RABGAP1L: variants seen among roughly 807,000 people sequenced by gnomAD.
RABGAP1L encodes the protein RAB GTPase activating protein 1 like.
RABGAP1L carries 63 observed loss-of-function variants against 137.7 expected under a neutral mutation model. The ratio of observed to expected loss-of-function variants is 0.46; its 90% confidence interval spans 0.37 to 0.56. The LOEUF (loss-of-function observed/expected upper bound fraction) is 0.56. Among genes scored for constraint, RABGAP1L ranks in the 20% least tolerant of loss-of-function variants. The pLI is 0.00. For missense variants in RABGAP1L, 1,095 were observed against 1,244.0 expected (o/e 0.88, Z 1.80); for synonymous variants, 431 against 433.7 (o/e 0.99, Z 0.08).
chr1:174,811,971 G>T lies in RABGAP1L; in HGVS notation c.2340+11G>T, dbSNP rs763029593. ...GCTTGCAATATTAAAGTAAGAACAT[G>T]AGTTTTTATATAATAAAGGTAAAAT... On this transcript the variant is annotated intron_variant, in intron 19 of 25. Transcript: ENST00000681986. The T allele has an allele frequency of 6.3e-7, 1 of 1,576,400 alleles. No individual in the cohort carries two copies. Among genetic ancestry groups the T allele is most frequent in the Non-Finnish European group, 8.6e-7 (1 of 1,165,192 alleles).
intron 1 of RABGAP1L, among the ~76,000 whole-genome samples, chr1:174,207,683 A>T (rs2148418371): frequency 6.6e-6 from 1 of 151,784 alleles, no homozygotes; most frequent in East Asian, 1.9e-4. Flanking sequence ...TGTCCTGGGG[A>T]TGTGTTGGCT....
intron 19 of RABGAP1L, among the ~76,000 whole-genome samples, chr1:174,854,737 TTTTTTTTTTTTTTTTTTTTTTTTG>T: frequency 1.4e-5 from 1 of 71,518 alleles, no homozygotes. Flanking sequence ...TTTTTTTTTT[TTTTTTTTTTTTTTTTTTTTTTTTG>T]AGACGTTGTC....
At chr1:174,629,744 G>A (rs1292268739) in intron 13 of RABGAP1L, among the ~76,000 whole-genome samples, 2 of 152,158 alleles carry the variant, frequency 1.3e-5, no homozygotes, top group South Asian at 2.1e-4. Context: ...GGCTGGTCTC[G>A]AAGTCCTGAG....
intron 5 of RABGAP1L, chr1:174,246,368 G>A (rs548530391): frequency 1.3e-5 from 2 of 152,268 alleles, no homozygotes; most frequent in South Asian, 2.1e-4. Flanking sequence ...GACTATTTGT[G>A]TGTATGTGTT....
rs1397794071 is a variant in RABGAP1L, at chr1:174,632,253, C to T, written c.1711-5122C>T. ...CTCTTCTGGCTTGTAGGGTTTCTGC[C>T]GAGAGATCCGCTGTTAGTCTGATGG... On this transcript the variant is annotated intron_variant, in intron 13 of 25. Coordinates refer to ENST00000681986, the MANE Select transcript of RABGAP1L (RefSeq NM_001366446.1). Among the ~76,000 whole-genome samples the T allele has an allele frequency of 1.2e-4, 18 of 144,886 alleles. No individual in the cohort carries two copies. The East Asian group carries it at 2.8e-3, about 22-fold the overall frequency.
chr1:174,729,427 T>C (rs1338209188), intron 17 of RABGAP1L, among the ~76,000 whole-genome samples: 2 of 152,190 alleles, frequency 1.3e-5, no homozygotes, highest in African/African-American at 4.8e-5. Flanking sequence ...GGAAAGAATT[T>C]ATGACTAAGT....
At chr1:174,658,274 A>T (rs1333241734) in intron 14 of RABGAP1L, among the ~76,000 whole-genome samples, 1 of 152,052 alleles carries the variant, frequency 6.6e-6, no homozygotes, top group Non-Finnish European at 1.5e-5. Context: ...ATTGTGGAGG[A>T]GCTAATTTTT....
At position 174,410,866 on chromosome 1, in the gene RABGAP1L, C is replaced by T. The variant is rs565723298; in HGVS notation, c.1710+16721C>T. Reference sequence around the variant, plus strand: ...CTTTAATGAAATTGATTCTTCCAATCCATGATCGTGGAATTTTTTAAAAAT... The same window carrying T: ...CTTTAATGAAATTGATTCTTCCAATTCATGATCGTGGAATTTTTTAAAAAT... On this transcript the variant is annotated intron_variant, in intron 13 of 25. Transcript: ENST00000681986. Among the ~76,000 whole-genome samples, 4 of 152,256 alleles carry T rather than the reference C, an allele frequency of 2.6e-5. No individual in the cohort carries two copies. In the South Asian group the frequency reaches 8.3e-4, roughly 32 times the overall value.
chr1:174,778,416 T>A (rs1275758855), intron 18 of RABGAP1L, among the ~76,000 whole-genome samples: 1 of 152,260 alleles, frequency 6.6e-6, no homozygotes, highest in South Asian at 2.1e-4. Context: ...AGAAGCAAAA[T>A]AATACTTCAC....
At position 174,562,014 on chromosome 1, in the gene RABGAP1L, TTAAAC is replaced by T. The variant is rs1430710153; in HGVS notation, c.1711-75356_1711-75352del. Among the ~76,000 whole-genome samples the T allele has an allele frequency of 1.5e-4, 23 of 152,284 alleles. 1 individual carries two copies. Among genetic ancestry groups the T allele is most frequent in the African/African-American group, 5.1e-4 (21 of 41,554 alleles). ...GCCAAAATTGACACATGGGATCTAATTAAACTAAAGAGCTTCTGCACAGAAAGAGA... is the reference window on the plus strand; with the variant it reads ...GCCAAAATTGACACATGGGATCTAATTAAAGAGCTTCTGCACAGAAAGAGA... On this transcript the variant is annotated intron_variant, in intron 13 of 25. Coordinates refer to ENST00000681986, the MANE Select transcript of RABGAP1L (RefSeq NM_001366446.1).
In RABGAP1L at chr1:174,734,180, A is replaced by G. The variant is rs540271786; in HGVS notation, c.2170-18133A>G. On this transcript the variant is annotated intron_variant, in intron 17 of 25. Coordinates refer to ENST00000681986, the MANE Select transcript of RABGAP1L (RefSeq NM_001366446.1). Reference sequence around the variant, plus strand: ...AGGACATCCAAGTAGAGATCTTAAGATAGTTGAATATATGATTCTGGAGTT... The same window carrying G: ...AGGACATCCAAGTAGAGATCTTAAGGTAGTTGAATATATGATTCTGGAGTT... 3.3e-5 allele frequency among the ~76,000 whole-genome samples: 5 copies of G among 152,304 alleles called. No individual in the cohort carries two copies. The South Asian group carries it at 1.0e-3, about 32-fold the overall frequency.
At chr1:174,265,759 C>G (rs1674011694) in intron 7 of RABGAP1L, among the ~76,000 whole-genome samples, 1 of 148,498 alleles carries the variant, frequency 6.7e-6, no homozygotes, top group Non-Finnish European at 1.5e-5. Context: ...GTTATTTTCT[C>G]TGTACTGGTA....
chr1:174,964,703 T>G, intron 20 of RABGAP1L: 1 of 910,686 alleles, frequency 1.1e-6, no homozygotes, highest in Non-Finnish European at 1.5e-6. Context: ...TAAACAGCAA[T>G]GTGGAGAGGG....
intron 13 of RABGAP1L, among the ~76,000 whole-genome samples, chr1:174,416,044 A>ACATT (rs1558215063): frequency 6.9e-6 from 1 of 144,342 alleles, no homozygotes; most frequent in Non-Finnish European, 1.5e-5. Flanking sequence ...ATACACACAC[A>ACATT]TTTTTTTTTT....
chr1:174,672,277 CTTTCTT>C (rs1677240523), intron 14 of RABGAP1L, among the ~76,000 whole-genome samples: 1 of 116,760 alleles, frequency 8.6e-6, no homozygotes, highest in Non-Finnish European at 1.7e-5. Context: ...TTTTTTTTTC[CTTTCTT>C]TTTTTTTTTT....
chr1:174,910,997 G>C (rs1659963087), intron 19 of RABGAP1L, among the ~76,000 whole-genome samples: 1 of 152,132 alleles, frequency 6.6e-6, no homozygotes, highest in Admixed American at 6.5e-5. Context: ...ATCCTAGTTT[G>C]TGTAAAGTGG....
intron 13 of RABGAP1L, among the ~76,000 whole-genome samples, chr1:174,585,650 A>G (rs1331510232): frequency 6.6e-6 from 1 of 152,190 alleles, no homozygotes; most frequent in Non-Finnish European, 1.5e-5. Context: ...GCTCCTTTTC[A>G]GGGCACTGTT....
chr1:174,956,639 T>G (rs1453567427), intron 19 of RABGAP1L, among the ~76,000 whole-genome samples: 1 of 151,586 alleles, frequency 6.6e-6, no homozygotes, highest in Non-Finnish European at 1.5e-5. Flanking sequence ...AGAATATTTT[T>G]CTCTTCTCTT....
At chr1:174,469,838 A>G (rs942198329) in intron 13 of RABGAP1L, among the ~76,000 whole-genome samples, 1 of 152,164 alleles carries the variant, frequency 6.6e-6, no homozygotes, top group African/African-American at 2.4e-5. Context: ...GTTCCTGACA[A>G]CATCCCAGGA....
Sources: gnomAD v4.1 joint callset for allele counts (sites outside exome capture counted in the v4.1 genomes callset) on GRCh38, gnomAD v4.1.1 for gene constraint, MANE v1.5 for transcripts, NCBI Gene and HGNC (gene_info 2026-07-23, HGNC 2026-07-21) for gene names.